The following LOX variants were observed in gnomAD, a reference collection of about 807,000 sequenced individuals.
LOX encodes the protein lysyl oxidase.
In LOX, 12 loss-of-function variants were observed where a neutral mutation model predicts 50.5. The ratio of observed to expected loss-of-function variants is 0.24; its 90% CI spans 0.15 to 0.38. The LOEUF is 0.38. LOX is among the 10% of genes least tolerant of loss of function. LOX has a pLI of 1.00. For synonymous variants in LOX, 254 were observed against 230.6 expected, an observed-to-expected ratio of 1.10 and a Z score of -0.92; for missense variants, 504 against 563.8, an observed-to-expected ratio of 0.89 and a Z score of 1.07.
intron 4 of LOX, among the ~76,000 whole-genome samples, chr5:122,071,037 C>T (rs968123125): frequency 1.3e-5 from 2 of 151,486 alleles, no homozygotes; most frequent in Admixed American, 1.3e-4. Flanking sequence ...ATAGCTTTTA[C>T]AGTGTTTATC....
At chr5:122,075,906 C>T (rs2979862) in intron 2 of LOX, 22,177 of 154,876 alleles carry the variant, frequency 0.14, 1,751 homozygotes, top group Non-Finnish European at 0.17. Context: ...TGGAAATAAT[C>T]CCCCAATAAA....
Position 122,064,721 on chromosome 5 carries a change from T to C in LOX, c.*2022A>G, listed in dbSNP as rs929634013. The C allele has an allele frequency of 6.6e-6, 1 of 151,988 alleles. No individual in the cohort carries two copies. Among genetic ancestry groups the C allele is most frequent in the African/African-American group, 2.4e-5 (1 of 41,412 alleles). The allele number at this position is 151,988 out of a possible 1,614,324, so 9.4% of individuals were successfully genotyped here. On this transcript the variant is annotated 3_prime_UTR_variant, in exon 7 of 7. Transcript: ENST00000231004. ...ACTTATTGAGGTTATAGACAGTCTTTTTTATGTCTCAATGCATACCATGTG... is the reference window on the plus strand; with the variant it reads ...ACTTATTGAGGTTATAGACAGTCTTCTTTATGTCTCAATGCATACCATGTG...
chr5:122,075,300 AT>A (rs1418829578), intron 3 of LOX, 103 bp downstream of exon 3: 39 of 1,060,064 alleles, frequency 3.7e-5, no homozygotes, highest in Non-Finnish European at 4.5e-5. Context: ...AGTAATAGCA[AT>A]TTTCTCCCTT....
At chr5:122,076,584 A>C (rs1475670211) in intron 2 of LOX, among the ~76,000 whole-genome samples, 4 of 152,210 alleles carry the variant, frequency 2.6e-5, no homozygotes, top group Admixed American at 2.6e-4. Flanking sequence ...TTTTATGAAA[A>C]GTGATTGGAA....
chr5:122,077,544 G>A lies in LOX; in HGVS notation c.442C>T (p.Pro148Ser), dbSNP rs1182188701. The A allele has an allele frequency of 1.2e-6, 2 of 1,613,542 alleles. No homozygotes were observed. The highest frequency in any genetic ancestry group is 1.7e-5 in the Admixed American group (1 of 60,020). The change falls in exon 1 of 7, where the codon CCG (proline) becomes TCG (serine). Residue 148 changes from proline to serine, a missense_variant. Around this residue, in one of 2 missense-constraint regions of LOX, gnomAD observed 398 missense variants for 365.8 expected, o/e 1.09. Transcript: ENST00000231004. This position sits in a 1 kb window ranked among gnomAD's most constrained non-coding sequence, Gnocchi z 4.9. ...GASRAENQTA[P>S]GEVPALSNLR... ...TTACTGAGCGCAGGAACTTCTCCCG[G>A]CGCTGTCTGGTTCTCCGCGCGCGAG...
rs61749623 is a variant in LOX at position 122,070,079 on chromosome 5, C to T, written c.1221G>A (p.Ala407=). 13 of 1,612,078 alleles carry T rather than the reference C, an allele frequency of 8.1e-6. No individual in the cohort carries two copies. In the Middle Eastern group the frequency reaches 6.6e-4, roughly 82 times the overall value. ...GTGAAATTGTGCAGCCTGAGGCATA[C>T]GCATGATGTCCTGTGTAGCGAATGT... is the stretch of plus-strand genomic sequence containing the variant. The part of the protein sequence containing the change: ...RCDIRYTGHH[A]YASGCTISPY Residue 407 remains alanine, a synonymous_variant, in exon 6 of 7, where the codon GCG becomes GCA. Coordinates refer to ENST00000231004, the MANE Select transcript of LOX (RefSeq NM_002317.7).
In LOX at chr5:122,064,704, A is replaced by G. The variant is rs183478555; in HGVS notation, c.*2039T>C. 6.6e-6 allele frequency: 1 copy of G among 152,046 alleles called. No homozygotes were observed. The highest frequency in any genetic ancestry group is 1.9e-4 in the East Asian group (1 of 5,164). The allele number at this position is 152,046 out of a possible 1,614,324, so 9.4% of individuals were successfully genotyped here. On this transcript the variant is annotated 3_prime_UTR_variant, in exon 7 of 7. Coordinates refer to ENST00000231004, the MANE Select transcript of LOX (RefSeq NM_002317.7). ...ATAATGGGATTTTTAATACTTATTG[A>G]GGTTATAGACAGTCTTTTTTATGTC...
intron 2 of LOX, 152 bp from the exon 3 acceptor site, chr5:122,075,693 G>C: frequency 2.1e-6 from 1 of 484,214 alleles, no homozygotes; most frequent in Non-Finnish European, 3.5e-6. Flanking sequence ...GTTTCTTTTT[G>C]TTCATTGCTG....
Position 122,066,663 on chromosome 5 carries a change from A to T in LOX, c.*80T>A. The T allele has an allele frequency of 8.9e-7, 1 of 1,125,488 alleles. No individual in the cohort carries two copies. The highest frequency in any genetic ancestry group is 1.3e-5 in the South Asian group (1 of 76,434). 69.7% of individuals were successfully genotyped at this position (1,125,488 alleles called of 1,614,324 possible). On this transcript the variant is annotated 3_prime_UTR_variant, in exon 7 of 7. Coordinates refer to ENST00000231004, the MANE Select transcript of LOX (RefSeq NM_002317.7). ...CTGTTCTCTTTTTCAAAATACATAAATCCTACTGAAGTTAGTCTATTTTTT... is the reference window on the plus strand; with the variant it reads ...CTGTTCTCTTTTTCAAAATACATAATTCCTACTGAAGTTAGTCTATTTTTT...
Position 122,074,244 on chromosome 5 carries a change from C to G in LOX, c.879-75G>C, listed in dbSNP as rs143035214. ...GCAATGAAGATATTAAATGACTTCC[C>G]CCATGGCTTCACAAATTTGTTTTCA... On this transcript the variant is annotated intron_variant, in intron 3 of 6. Transcript: ENST00000231004. 1.7e-3 allele frequency: 2,175 copies of G among 1,254,450 alleles called. 23 individuals carry two copies. Among genetic ancestry groups the G allele is most frequent in the South Asian group, 0.013 (860 of 66,832 alleles). The allele number at this position is 1,254,450 out of a possible 1,614,324, so 77.7% of individuals were successfully genotyped here. A position where few individuals can be genotyped will look rare whatever the true frequency, so the allele number is the denominator to read the frequency against.
At chr5:122,075,175 T>C in intron 3 of LOX, 1 of 416,374 alleles carries the variant, frequency 2.4e-6, no homozygotes, top group Non-Finnish European at 4.3e-6. Context: ...AGTCAATTGC[T>C]GTATCCTATC....
At chr5:122,074,313 T>G in intron 3 of LOX, 144 bp from the exon 4 acceptor site, 1 of 665,256 alleles carries the variant, frequency 1.5e-6, no homozygotes, top group Non-Finnish European at 2.5e-6. Context: ...GAGAGATTCA[T>G]GCTAGGGTTT....
chr5:122,066,734 C>T lies in LOX; in HGVS notation c.*9G>A. 1 of 1,600,708 alleles carries T rather than the reference C, an allele frequency of 6.2e-7. No homozygotes were observed. The highest frequency in any genetic ancestry group is 2.2e-5 in the East Asian group (1 of 44,738). On this transcript the variant is annotated 3_prime_UTR_variant, in exon 7 of 7. Transcript: ENST00000231004. ...ACTGATTTATCCATTGGGAGTTTTG[C>T]TTTGCCTTCTAATACCTAGATTAAG... is the stretch of plus-strand genomic sequence containing the variant.
chr5:122,063,388 A>G lies in LOX; in HGVS notation c.*3355T>C, dbSNP rs768096096. 5.3e-5 allele frequency: 8 copies of G among 151,946 alleles called. No individual in the cohort carries two copies. The highest frequency in any genetic ancestry group is 8.8e-5 in the Non-Finnish European group (6 of 67,892). The allele number at this position is 151,946 out of a possible 1,614,324, so 9.4% of individuals were successfully genotyped here. On this transcript the variant is annotated 3_prime_UTR_variant, in exon 7 of 7. Transcript: ENST00000231004. ...AAAATTTGGGAGAAGCTAAAACTTC[A>G]CTAAAAACCTAACACCAAATGACAT...
rs1754696468 is a variant in LOX, at chr5:122,078,083, C to G, written c.-98G>C. On this transcript the variant is annotated 5_prime_UTR_variant, in exon 1 of 7. Coordinates refer to ENST00000231004, the MANE Select transcript of LOX (RefSeq NM_002317.7). ...CGTGAGGGAAGGAGAAATCTTCAAC[C>G]AAGGAGGCGAGCGGAGCACGGGTAT... 5 of 1,198,748 alleles carry G rather than the reference C, an allele frequency of 4.2e-6. No homozygotes were observed. The highest frequency in any genetic ancestry group is 3.3e-6 in the Non-Finnish European group (3 of 912,766). 74.3% of individuals were successfully genotyped at this position (1,198,748 alleles called of 1,614,324 possible).
Position 122,065,610 on chromosome 5 carries a change from G to A in LOX, c.*1133C>T, listed in dbSNP as rs1754277256. 6.6e-6 allele frequency: 1 copy of A among 151,930 alleles called. No homozygotes were observed. The highest frequency in any genetic ancestry group is 2.4e-5 in the African/African-American group (1 of 41,360). The allele number at this position is 151,930 out of a possible 1,614,324, so 9.4% of individuals were successfully genotyped here. A position where few individuals can be genotyped will look rare whatever the true frequency, so the allele number is the denominator to read the frequency against. On this transcript the variant is annotated 3_prime_UTR_variant, in exon 7 of 7. Coordinates refer to ENST00000231004, the MANE Select transcript of LOX (RefSeq NM_002317.7). ...CTTTGCTAATTTAGACTATATCTCA[G>A]ACACACACACATGTGTGACTGATTC...
intron 4 of LOX, among the ~76,000 whole-genome samples, chr5:122,070,939 G>A (rs1170242930): frequency 6.6e-6 from 1 of 152,098 alleles, no homozygotes; most frequent in East Asian, 1.9e-4. Flanking sequence ...TAGCTCAAAT[G>A]TCCTCTTCTC....
Position 122,077,578 on chromosome 5 carries a change from T to G in LOX, c.408A>C (p.Glu136Asp). Residue 136 changes from glutamate (E) to aspartate (D), a missense_variant, in exon 1 of 7, where the codon GAA becomes GAC. This residue lies in a region of LOX where 398 missense variants were observed against 365.8 expected (regional missense o/e 1.09). Transcript: ENST00000231004. The surrounding 1 kb of genome is among the most constrained non-coding windows in gnomAD (Gnocchi z 4.9). ...QAGYSTSRAR[E>D]AGASRAENQT... ...GGTTCTCCGCGCGCGAGGCGCCAGCTTCGCGGGCTCTAGATGTCGAGTAGC... is the reference window on the plus strand; with the variant it reads ...GGTTCTCCGCGCGCGAGGCGCCAGCGTCGCGGGCTCTAGATGTCGAGTAGC... The G allele has an allele frequency of 6.2e-7, 1 of 1,612,848 alleles. No individual in the cohort carries two copies. The highest frequency in any genetic ancestry group is 8.5e-7 in the Non-Finnish European group (1 of 1,179,828).
rs1195523916 is a variant in LOX, at chr5:122,065,499, G to A, written c.*1244C>T. The A allele has an allele frequency of 6.6e-6, 1 of 152,030 alleles. No homozygotes were observed. Among genetic ancestry groups the A allele is most frequent in the Non-Finnish European group, 1.5e-5 (1 of 67,968 alleles). 9.4% of individuals were successfully genotyped at this position (152,030 alleles called of 1,614,324 possible). On this transcript the variant is annotated 3_prime_UTR_variant, in exon 7 of 7. Coordinates refer to ENST00000231004, the MANE Select transcript of LOX (RefSeq NM_002317.7). ...CACAGTTTCAAATGAAATCACAGCT[G>A]TCTCATTACGCAGCACAGTCCTTGG...
Sources: allele counts gnomAD v4.1 joint callset (sites outside exome capture counted in the v4.1 genomes callset), GRCh38; gene constraint gnomAD v4.1.1; regional missense constraint gnomAD v4.1.1; non-coding constraint Gnocchi (gnomAD v3.1); transcripts MANE v1.5; gene names NCBI Gene and HGNC (gene_info 2026-07-23, HGNC 2026-07-21).